SP100: variants seen among roughly 807,000 people sequenced by gnomAD.
SP100 encodes nuclear autoantigen Sp-100.
A neutral mutation model predicts 130.0 loss-of-function variants in SP100; 84 were observed. The observed-to-expected ratio is 0.65, with a 90% CI of 0.54 to 0.77. SP100 has a LOEUF of 0.77. Ranked by LOEUF, SP100 falls within the 30% of genes least tolerant of loss-of-function variation. The pLI, the probability that SP100 is intolerant of heterozygous loss-of-function variation, is 0.00. For missense variants in SP100, 978 were observed against 1,052.2 expected (o/e 0.93, Z 0.97); for synonymous variants, 331 against 351.7 (o/e 0.94, Z 0.66).
rs557176289 is a variant in SP100 at position 230,493,257 on chromosome 2, A to G, written c.1601-1159A>G. Reference sequence around the variant, plus strand: ...ATTTGAAACAATGTCTTACTCTGTCACCCAGGCTGGAGTGCAGTGGAGCCA... The same window carrying G: ...ATTTGAAACAATGTCTTACTCTGTCGCCCAGGCTGGAGTGCAGTGGAGCCA... On this transcript the variant is annotated intron_variant, in intron 17 of 28. Transcript: ENST00000340126. Among the ~76,000 whole-genome samples, 3 of 152,206 alleles carry G rather than the reference A, an allele frequency of 2.0e-5. No homozygotes were observed. In the East Asian group the frequency reaches 5.8e-4, roughly 29 times the overall value.
chr2:230,487,867 G>A (rs984668307), intron 17 of SP100, among the ~76,000 whole-genome samples: 52 of 152,226 alleles, frequency 3.4e-4, no homozygotes, highest in African/African-American at 1.2e-3. Flanking sequence ...TCCTTGAGCA[G>A]TGGTTTGTAG....
At chr2:230,437,863 CTGTTTT>C (rs2063341733) in intron 2 of SP100, among the ~76,000 whole-genome samples, 1 of 152,110 alleles carries the variant, frequency 6.6e-6, no homozygotes, top group Non-Finnish European at 1.5e-5. Flanking sequence ...GCCGTGTTCT[CTGTTTT>C]TAAGTCACAA....
rs1692139190 is a variant in SP100, at chr2:230,540,724, C to A, written c.2211-152C>A. On this transcript the variant is annotated intron_variant, in intron 25 of 28. Transcript: ENST00000340126. ...AGGGCATGCCTTTGGCTATTGAGTC[C>A]AAATGGGGCTCTAGTGCAGAGGCCT... 5.5e-6 allele frequency: 5 copies of A among 901,840 alleles called. No homozygotes were observed. In the East Asian group the frequency reaches 1.3e-4, roughly 24 times the overall value. 55.9% of individuals were successfully genotyped at this position (901,840 alleles called of 1,614,324 possible).
intron 24 of SP100, among the ~76,000 whole-genome samples, chr2:230,529,733 T>C (rs964787434): frequency 1.2e-4 from 19 of 152,298 alleles, no homozygotes; most frequent in South Asian, 4.1e-4. Flanking sequence ...TAGCAAAGTC[T>C]CAGGATACAA....
intron 1 of SP100, chr2:230,416,983 G>C: frequency 1.6e-6 from 1 of 635,742 alleles, no homozygotes; most frequent in Non-Finnish European, 2.0e-6. Context: ...CTTTTCTCTA[G>C]TAGTGAGTTG....
Position 230,529,163 on chromosome 2 carries a change from A to T in SP100, c.2095-10104A>T, listed in dbSNP as rs1040799636. Among the ~76,000 whole-genome samples the T allele has an allele frequency of 4.6e-5, 7 of 152,364 alleles. No individual in the cohort carries two copies. The South Asian group carries it at 1.0e-3, about 23-fold the overall frequency. On this transcript the variant is annotated intron_variant, in intron 24 of 28. Coordinates refer to ENST00000340126, the MANE Select transcript of SP100 (RefSeq NM_001080391.2). ...GGGCCAATATCCCTGATGAACATCA[A>T]TGCGAAACTCCTCAAAAAAATACTG... is the stretch of plus-strand genomic sequence containing the variant.
Position 230,507,993 on chromosome 2 carries a change from A to G in SP100, c.2014A>G (p.Asn672Asp), listed in dbSNP as rs1303562197. The change falls in exon 23 of 29, where the codon AAC (asparagine) becomes GAC (aspartate). Residue 672 changes from asparagine to aspartate, a missense_variant and splice_region_variant. By Grantham distance (23) the Asn-to-Asp change is conservative (BLOSUM62 1). Coordinates refer to ENST00000340126, the MANE Select transcript of SP100 (RefSeq NM_001080391.2). ...ATCATTTATCTCTTTTCTTTTTTAGAACAAATTTCTGCCAGAACCACCAAG... is the reference window on the plus strand; with the variant it reads ...ATCATTTATCTCTTTTCTTTTTTAGGACAAATTTCTGCCAGAACCACCAAG... Reference protein sequence around the residue: ...GGYTLKVLMENKFLPEPPSTR... With the variant: ...GGYTLKVLMEDKFLPEPPSTR... 1.2e-6 allele frequency: 2 copies of G among 1,613,196 alleles called. No individual in the cohort carries two copies. The highest frequency in any genetic ancestry group is 8.5e-7 in the Non-Finnish European group (1 of 1,179,600).
At chr2:230,527,730 T>G (rs1386882436) in intron 24 of SP100, among the ~76,000 whole-genome samples, 1 of 152,022 alleles carries the variant, frequency 6.6e-6, no homozygotes, top group Non-Finnish European at 1.5e-5. Context: ...TGGAGGAAGA[T>G]CTACGAAGCA....
At chr2:230,485,699 A>G (rs1394984580) in intron 17 of SP100, among the ~76,000 whole-genome samples, 3 of 152,034 alleles carry the variant, frequency 2.0e-5, no homozygotes, top group African/African-American at 7.2e-5. Flanking sequence ...AATGTTTTGT[A>G]TGTTTTTAAA....
At chr2:230,479,809 C>T (rs2065749464) in intron 17 of SP100, among the ~76,000 whole-genome samples, 1 of 152,212 alleles carries the variant, frequency 6.6e-6, no homozygotes, top group Admixed American at 6.5e-5. Flanking sequence ...GTCACCATAG[C>T]TCAGTCTATA....
Position 230,416,311 on chromosome 2 carries a change from C to A in SP100, c.15C>A (p.Gly5=), listed in dbSNP as rs769201866. 3 of 1,613,342 alleles carry A rather than the reference C, an allele frequency of 1.9e-6. No homozygotes were observed. The highest frequency in any genetic ancestry group is 2.2e-5 in the South Asian group (2 of 91,030). MAGG[G]GDLSTRRLNE... Reference sequence around the variant, plus strand: ...AGGGTGGGAAGATGGCAGGTGGGGGCGGCGACCTGAGCACCAGGTGAGTCT... The same window carrying A: ...AGGGTGGGAAGATGGCAGGTGGGGGAGGCGACCTGAGCACCAGGTGAGTCT... The change falls in exon 1 of 29, where the codon GGC becomes GGA. Residue 5 remains glycine (G), a synonymous_variant. Transcript: ENST00000340126.
chr2:230,462,696 G>A, intron 10 of SP100, 178 bp downstream of exon 10: 1 of 586,560 alleles, frequency 1.7e-6, no homozygotes, highest in South Asian at 2.0e-5. Flanking sequence ...ACAAGAAATT[G>A]TTATAAACTT....
chr2:230,508,888 C>T (rs1042732666), intron 23 of SP100: 1 of 152,004 alleles, frequency 6.6e-6, no homozygotes, highest in Non-Finnish European at 1.5e-5. Context: ...AAAAAACATT[C>T]TCTCCTTTTC....
rs773025280 is a variant in SP100, at chr2:230,512,352, C to G, written c.2094+1186C>G. ...TTGCCCAGGCTGGAGTCCAGTGGCA[C>G]GATCTTGCCTCACTGCAACCTCTAC... On this transcript the variant is annotated intron_variant, in intron 24 of 28. Transcript: ENST00000340126. 3.0e-5 allele frequency among the ~76,000 whole-genome samples: 4 copies of G among 135,198 alleles called. No homozygotes were observed. In the South Asian group the frequency reaches 7.1e-4, roughly 24 times the overall value. 88.7% of individuals were successfully genotyped at this position (135,198 alleles called of 152,430 possible).
At chr2:230,496,340 G>A (rs549980192) in intron 18 of SP100, among the ~76,000 whole-genome samples, 6 of 152,258 alleles carry the variant, frequency 3.9e-5, no homozygotes, top group Non-Finnish European at 5.9e-5. Context: ...ATTAAAAAGC[G>A]TGAGCTGATA....
chr2:230,532,330 G>A (rs1335398357), intron 24 of SP100, among the ~76,000 whole-genome samples: 1 of 151,688 alleles, frequency 6.6e-6, no homozygotes, highest in African/African-American at 2.4e-5. Flanking sequence ...TTTTTCCAAG[G>A]TAATTCAATT....
In SP100 at chr2:230,545,063, C is replaced by T. The variant is rs1410915428; in HGVS notation, c.*2117C>T. Among the ~76,000 whole-genome samples the T allele has an allele frequency of 1.3e-5, 2 of 152,282 alleles. No homozygotes were observed. Among genetic ancestry groups the T allele is most frequent in the South Asian group, 4.1e-4 (2 of 4,830 alleles). On this transcript the variant is annotated 3_prime_UTR_variant, in exon 29 of 29. Coordinates refer to ENST00000340126, the MANE Select transcript of SP100 (RefSeq NM_001080391.2). ...GCTAAAAGCAGAACTGCCATTCCACCCAGCAATCCCATTACTGGGTACATA... is the reference window on the plus strand; with the variant it reads ...GCTAAAAGCAGAACTGCCATTCCACTCAGCAATCCCATTACTGGGTACATA...
Position 230,515,812 on chromosome 2 carries a change from C to T in SP100, c.2094+4646C>T, listed in dbSNP as rs13397672. ...CACTACCGAATGTGTCTTCAGATAGCCCTGTCCTGGTGGTATTTAGCCACT... is the reference window on the plus strand; with the variant it reads ...CACTACCGAATGTGTCTTCAGATAGTCCTGTCCTGGTGGTATTTAGCCACT... On this transcript the variant is annotated intron_variant, in intron 24 of 28. Transcript: ENST00000340126. 648 of 1,426,722 alleles carry T rather than the reference C, an allele frequency of 4.5e-4. 4 individuals are homozygous for T. The African/African-American group carries it at 8.4e-3, about 18-fold the overall frequency. The allele number at this position is 1,426,722 out of a possible 1,614,324, so 88.4% of individuals were successfully genotyped here.
chr2:230,536,548 T>C (rs1691948932), intron 24 of SP100, among the ~76,000 whole-genome samples: 2 of 152,132 alleles, frequency 1.3e-5, no homozygotes, highest in Non-Finnish European at 2.9e-5. Flanking sequence ...ATTTGGACAA[T>C]GAGATGCCAA....
Sources: allele counts gnomAD v4.1 joint callset (sites outside exome capture counted in the v4.1 genomes callset), GRCh38; gene constraint gnomAD v4.1.1; transcripts MANE v1.5; gene names NCBI Gene and HGNC (gene_info 2026-07-23, HGNC 2026-07-21).